Variants in FOXO3 observed in about 807,000 individuals in gnomAD.
FOXO3 encodes forkhead box O3.
A neutral mutation model predicts 41.9 loss-of-function variants in FOXO3; 4 were observed. That is an observed-to-expected ratio of 0.10 (90% CI 0.05 to 0.22). The LOEUF (loss-of-function observed/expected upper bound fraction) is 0.22. Among genes scored for constraint, FOXO3 ranks in the 10% least tolerant of loss-of-function variants. FOXO3 has a pLI of 1.00. For synonymous variants in FOXO3, 318 were observed against 389.3 expected (o/e 0.82, Z 2.16); for missense variants, 534 against 906.8 (o/e 0.59, Z 5.28).
chr6:108,627,646 A>G (rs999118019), intron 1 of FOXO3, among the ~76,000 whole-genome samples: 2 of 152,068 alleles, frequency 1.3e-5, no homozygotes, highest in African/African-American at 4.8e-5. Context: ...ACACTGGAAG[A>G]ATTGTCTTGG....
At chr6:108,640,398 G>C (rs1354655831) in intron 1 of FOXO3, among the ~76,000 whole-genome samples, 1 of 152,170 alleles carries the variant, frequency 6.6e-6, no homozygotes, top group Non-Finnish European at 1.5e-5. Context: ...CTAACGTCAG[G>C]TCACTGAATG....
intron 1 of FOXO3, among the ~76,000 whole-genome samples, chr6:108,600,540 C>CG (rs1447124326): frequency 9.3e-6 from 1 of 107,484 alleles, no homozygotes; most frequent in South Asian, 3.6e-4. Flanking sequence ...GAGCAAGTCT[C>CG]CATCTCAAAA....
At chr6:108,614,105 CT>C (rs765553418) in intron 1 of FOXO3, among the ~76,000 whole-genome samples, 12 of 152,158 alleles carry the variant, frequency 7.9e-5, no homozygotes, top group Admixed American at 1.3e-4. Context: ...TTTGTTGAGA[CT>C]TGTTTTATGA....
chr6:108,564,476 A>G (rs995334921), intron 1 of FOXO3, among the ~76,000 whole-genome samples: 24 of 152,344 alleles, frequency 1.6e-4, no homozygotes, highest in African/African-American at 5.8e-4. Flanking sequence ...AGGATTTTTA[A>G]CTTCCAAAAA....
At chr6:108,560,549 C>T (rs1490773584), upstream of FOXO3, among the ~76,000 whole-genome samples, 1 of 152,108 alleles carries the variant, frequency 6.6e-6, no homozygotes, top group Non-Finnish European at 1.5e-5. Flanking sequence ...TCCCCGGGCT[C>T]GGGCCATTCG....
At chr6:108,659,160 T>C (rs752059428) in intron 1 of FOXO3, among the ~76,000 whole-genome samples, 1 of 152,162 alleles carries the variant, frequency 6.6e-6, no homozygotes, top group Non-Finnish European at 1.5e-5. Context: ...ACTGGAATTA[T>C]AGGCGTCAGG....
At chr6:108,592,617 G>A (rs1031772124) in intron 1 of FOXO3, among the ~76,000 whole-genome samples, 4 of 152,188 alleles carry the variant, frequency 2.6e-5, no homozygotes, top group African/African-American at 9.7e-5. Context: ...TGGTTTTCTG[G>A]AATGGAGGTG....
intron 1 of FOXO3, among the ~76,000 whole-genome samples, chr6:108,630,782 AG>A (rs1327867267): frequency 6.6e-6 from 1 of 152,160 alleles, no homozygotes; most frequent in Non-Finnish European, 1.5e-5. Context: ...AAGCTTTTTA[AG>A]GGAAGAAGGA....
At chr6:108,560,814 G>A, upstream of FOXO3, 1 of 353,166 alleles carries the variant, frequency 2.8e-6, no homozygotes, top group Non-Finnish European at 4.5e-6. Flanking sequence ...CCGCCCCGCC[G>A]CCTAGCCCGG....
In FOXO3 at chr6:108,650,577, G is replaced by A. The variant is rs185624079; in HGVS notation, c.622-12878G>A. 3.3e-5 allele frequency among the ~76,000 whole-genome samples: 5 copies of A among 152,266 alleles called. No homozygotes were observed. The East Asian group carries it at 5.8e-4, about 18-fold the overall frequency. ...TAGCATGTACATGAAGTAGATTAGA[G>A]CCTGCTACAATAAAATACTGCATTT... On this transcript the variant is annotated intron_variant, in intron 1 of 2. Transcript: ENST00000406360.
intron 1 of FOXO3, among the ~76,000 whole-genome samples, chr6:108,611,440 A>G (rs916410221): frequency 3.3e-5 from 5 of 152,226 alleles, no homozygotes; most frequent in African/African-American, 1.2e-4. Flanking sequence ...AGAAACTGCC[A>G]AACTGTTTTC....
intron 1 of FOXO3, among the ~76,000 whole-genome samples, chr6:108,572,787 T>C (rs1224990065): frequency 6.6e-6 from 1 of 152,200 alleles, no homozygotes; most frequent in African/African-American, 2.4e-5. Context: ...GTTACTCAAC[T>C]AGGTTTTTTA....
chr6:108,605,264 G>C (rs892726101), intron 1 of FOXO3, among the ~76,000 whole-genome samples: 1 of 151,940 alleles, frequency 6.6e-6, no homozygotes, highest in Non-Finnish European at 1.5e-5. Context: ...AACTACAGAC[G>C]CCCACCACCA....
At chr6:108,586,356 G>A (rs1161136568) in intron 1 of FOXO3, among the ~76,000 whole-genome samples, 1 of 152,118 alleles carries the variant, frequency 6.6e-6, no homozygotes, top group Non-Finnish European at 1.5e-5. Flanking sequence ...TTTCTCTTGG[G>A]ACATCATAAA....
chr6:108,591,019 A>G (rs1013527836), intron 1 of FOXO3, among the ~76,000 whole-genome samples: 11 of 152,314 alleles, frequency 7.2e-5, no homozygotes, highest in Middle Eastern at 3.4e-3. Context: ...CTTCTCATGT[A>G]GGTAGGCCTC....
chr6:108,641,512 A>G (rs1254160375), intron 1 of FOXO3, among the ~76,000 whole-genome samples: 2 of 152,154 alleles, frequency 1.3e-5, no homozygotes, highest in Non-Finnish European at 2.9e-5. Context: ...CTCTGTCTCA[A>G]CTTCTCTGTG....
At chr6:108,601,593 C>T (rs527960753) in intron 1 of FOXO3, among the ~76,000 whole-genome samples, 3 of 152,314 alleles carry the variant, frequency 2.0e-5, no homozygotes, top group South Asian at 2.1e-4. Context: ...GGTGAGCCAC[C>T]GCACCCAGCC....
chr6:108,639,485 G>A (rs769714033), intron 1 of FOXO3: 18 of 881,144 alleles, frequency 2.0e-5, no homozygotes, highest in Non-Finnish European at 2.5e-5. Flanking sequence ...TCTGTGCTTT[G>A]CCCTCAGAAC....
intron 1 of FOXO3, among the ~76,000 whole-genome samples, chr6:108,562,396 C>T (rs1392797716): frequency 1.3e-5 from 2 of 152,058 alleles, no homozygotes; most frequent in Admixed American, 6.5e-5. Context: ...GCAGTGGTTG[C>T]AAACCTTTTC....
Sources: gnomAD v4.1 joint callset for allele counts (sites outside exome capture counted in the v4.1 genomes callset) on GRCh38, gnomAD v4.1.1 for gene constraint, MANE v1.5 for transcripts, NCBI Gene and HGNC (gene_info 2026-07-23, HGNC 2026-07-21) for gene names.